ANKS1B: variants seen among roughly 807,000 people sequenced by gnomAD.
ANKS1B encodes the protein ankyrin repeat and sterile alpha motif domain containing 1B, also known as ankyrin repeat and sterile alpha motif domain-containing protein 1B.
A neutral mutation model predicts 148.3 loss-of-function variants in ANKS1B; 36 were observed. The observed-to-expected ratio is 0.24, with a 90% CI of 0.19 to 0.32. The LOEUF (loss-of-function observed/expected upper bound fraction) is 0.32, where lower values mean the gene tolerates loss of function less well. ANKS1B is among the 10% of genes least tolerant of loss of function. The pLI is 1.00. For missense variants in ANKS1B, 1,157 were observed against 1,542.6 expected (o/e 0.75, Z 4.19); for synonymous variants, 542 against 560.8 (o/e 0.97, Z 0.47).
intron 1 of ANKS1B, among the ~76,000 whole-genome samples, chr12:99,935,727 T>C (rs1399420640): frequency 6.6e-6 from 1 of 152,126 alleles, no homozygotes; most frequent in Non-Finnish European, 1.5e-5. Flanking sequence ...CAATCCCTTT[T>C]AAAGGCTCAC....
At chr12:99,968,018 G>C (rs535850594) in intron 1 of ANKS1B, among the ~76,000 whole-genome samples, 1 of 152,044 alleles carries the variant, frequency 6.6e-6, no homozygotes, top group Non-Finnish European at 1.5e-5. Context: ...ACTAAATTAT[G>C]AGACTTCTGA....
intron 9 of ANKS1B, among the ~76,000 whole-genome samples, chr12:99,590,258 C>CCCACACA (rs1555503129): frequency 2.3e-5 from 3 of 132,806 alleles, no homozygotes; most frequent in South Asian, 2.5e-4. Flanking sequence ...CCACACCCAC[C>CCCACACA]CACACACACA....
intron 12 of ANKS1B, among the ~76,000 whole-genome samples, chr12:99,252,597 G>A (rs920592922): frequency 1.3e-5 from 2 of 152,194 alleles, no homozygotes; most frequent in African/African-American, 4.8e-5. Flanking sequence ...CAGCAGTGAT[G>A]CAGCTATAGT....
At chr12:98,737,750 T>G (rs1356867071) in intron 9 of ANKS1B, among the ~76,000 whole-genome samples, 1 of 152,216 alleles carries the variant, frequency 6.6e-6, no homozygotes, top group East Asian at 1.9e-4. Context: ...GAAACATCAT[T>G]AGGGGAAAGT....
chr12:99,154,562 A>G, intron 14 of ANKS1B, 167 bp from the exon 15 acceptor site: 1 of 1,535,178 alleles, frequency 6.5e-7, no homozygotes. Flanking sequence ...GAGAGAGCAA[A>G]GTCAGAAGTA....
chr12:98,737,329 C>T (rs1375695183), intron 9 of ANKS1B, among the ~76,000 whole-genome samples: 2 of 152,180 alleles, frequency 1.3e-5, no homozygotes, highest in Admixed American at 6.5e-5. Flanking sequence ...TCTATGCTGT[C>T]CTCTCACCGA....
At chr12:99,949,576 T>C (rs2095160581) in intron 1 of ANKS1B, among the ~76,000 whole-genome samples, 1 of 152,240 alleles carries the variant, frequency 6.6e-6, no homozygotes, top group African/African-American at 2.4e-5. Flanking sequence ...AGGGGACTAA[T>C]GTGAGGAGTC....
At position 99,472,685 on chromosome 12, in the gene ANKS1B, A is replaced by T. The variant is rs189046337; in HGVS notation, c.1439-28876T>A. On this transcript the variant is annotated intron_variant, in intron 10 of 26. Transcript: ENST00000683438. ...ATTTTAAAAGCATTTGGGGATTTTT[A>T]AAAAAGGCTTCCAGAGACTAATAAA... Among the ~76,000 whole-genome samples the T allele has an allele frequency of 5.3e-5, 8 of 152,186 alleles. No homozygotes were observed. In the East Asian group the frequency reaches 1.2e-3, roughly 22 times the overall value.
intron 8 of ANKS1B, among the ~76,000 whole-genome samples, chr12:99,759,028 C>T (rs1484260705): frequency 3.3e-5 from 5 of 151,808 alleles, no homozygotes; most frequent in African/African-American, 7.2e-5. Flanking sequence ...TTAATGATCC[C>T]GCTTCTCACT....
At chr12:99,880,944 T>A (rs1282929052) in intron 1 of ANKS1B, among the ~76,000 whole-genome samples, 1 of 152,212 alleles carries the variant, frequency 6.6e-6, no homozygotes, top group Non-Finnish European at 1.5e-5. Flanking sequence ...ACAAAAAGTG[T>A]TCTGTGGGTG....
intron 8 of ANKS1B, among the ~76,000 whole-genome samples, chr12:99,674,043 T>C (rs1347860088): frequency 6.6e-6 from 1 of 151,614 alleles, no homozygotes; most frequent in East Asian, 1.9e-4. Context: ...TTAAAACAAC[T>C]AACAATAACC....
At chr12:99,702,691 C>T (rs1298926148) in intron 8 of ANKS1B, among the ~76,000 whole-genome samples, 1 of 133,748 alleles carries the variant, frequency 7.5e-6, no homozygotes, top group African/African-American at 2.7e-5. Flanking sequence ...CATAGGCATG[C>T]ACCACCAAAC....
intron 12 of ANKS1B, among the ~76,000 whole-genome samples, chr12:99,376,283 A>G (rs988722727): frequency 6.6e-6 from 1 of 152,218 alleles, no homozygotes; most frequent in Admixed American, 6.5e-5. Flanking sequence ...CCTTAGCATA[A>G]ATTTCAACCA....
chr12:99,176,000 C>T (rs893169861), intron 14 of ANKS1B, among the ~76,000 whole-genome samples: 13 of 152,154 alleles, frequency 8.5e-5, no homozygotes, highest in Admixed American at 7.9e-4. Context: ...GTGCCCATCA[C>T]CATGCCCGGC....
chr12:99,229,814 C>A (rs1335603563), intron 14 of ANKS1B, among the ~76,000 whole-genome samples: 2 of 151,916 alleles, frequency 1.3e-5, no homozygotes, highest in Non-Finnish European at 2.9e-5. Flanking sequence ...GTAAACCATA[C>A]AATTAGTATT....
chr12:99,053,815 T>A (rs991437711), intron 16 of ANKS1B, among the ~76,000 whole-genome samples: 2 of 152,224 alleles, frequency 1.3e-5, no homozygotes, highest in African/African-American at 4.8e-5. Context: ...AGAAACATAC[T>A]GCTGCGGTGA....
chr12:99,133,929 C>T (rs147624278), intron 15 of ANKS1B, among the ~76,000 whole-genome samples: 23 of 152,272 alleles, frequency 1.5e-4, no homozygotes, highest in African/African-American at 3.6e-4. Flanking sequence ...GTTACCGTGA[C>T]GGTTTCCACA....
intron 16 of ANKS1B, among the ~76,000 whole-genome samples, chr12:99,061,404 T>C (rs1339776726): frequency 1.3e-5 from 2 of 152,148 alleles, no homozygotes; most frequent in African/African-American, 4.8e-5. Context: ...ATGCAGAGAA[T>C]CTTATTAGCA....
intron 19 of ANKS1B, among the ~76,000 whole-genome samples, chr12:98,816,859 T>C (rs2099145758): frequency 6.6e-6 from 1 of 152,138 alleles, no homozygotes; most frequent in Non-Finnish European, 1.5e-5. Flanking sequence ...ATCAACTCGA[T>C]AACCCCTATT....
Sources: allele counts gnomAD v4.1 joint callset (sites outside exome capture counted in the v4.1 genomes callset), GRCh38; gene constraint gnomAD v4.1.1; transcripts MANE v1.5; gene names NCBI Gene and HGNC (gene_info 2026-07-23, HGNC 2026-07-21).